PRKG1: variants seen among roughly 807,000 people sequenced by gnomAD.
The protein encoded by PRKG1 is cGMP-dependent protein kinase 1.
In PRKG1, 35 loss-of-function variants were observed where a neutral mutation model predicts 88.1. That is an observed-to-expected ratio of 0.40 (90% CI 0.30 to 0.53). The LOEUF (loss-of-function observed/expected upper bound fraction) is 0.53. PRKG1 is among the 20% of genes least tolerant of loss of function. The pLI, the probability that PRKG1 is intolerant of heterozygous loss-of-function variation, is 0.59. For synonymous variants in PRKG1, 303 were observed against 292.5 expected, an observed-to-expected ratio of 1.04 and a Z score of -0.37; for missense variants, 540 against 839.8, an observed-to-expected ratio of 0.64 and a Z score of 4.41.
chr10:52,293,908 C>CTAATGTATT lies in PRKG1; in HGVS notation c.*9_*10insAATGTATTT, dbSNP rs1842328140. ...TGGGATATAGACTTCTAATGTATTT[C>CTAATGTATT]TCTTACCTGCTTCTGCCTTGCTGAA... On this transcript the variant is annotated 3_prime_UTR_variant, in exon 18 of 18. Transcript: ENST00000373980. The CTAATGTATT allele has an allele frequency of 1.9e-6, 3 of 1,597,972 alleles. No individual in the cohort carries two copies. The highest frequency in any genetic ancestry group is 2.6e-6 in the Non-Finnish European group (3 of 1,166,622).
chr10:51,159,306 G>T (rs1339239953), intron 2 of PRKG1, among the ~76,000 whole-genome samples: 1 of 152,114 alleles, frequency 6.6e-6, no homozygotes, highest in Non-Finnish European at 1.5e-5. Flanking sequence ...ATATGGATTA[G>T]CTCTCAGTAA....
intron 3 of PRKG1, among the ~76,000 whole-genome samples, chr10:51,602,366 T>C (rs537695070): frequency 6.6e-6 from 1 of 152,318 alleles, no homozygotes; most frequent in South Asian, 2.1e-4. Context: ...CATAACCTTA[T>C]GTTTACTTGT....
At chr10:51,294,052 T>C (rs1840653154) in intron 2 of PRKG1, among the ~76,000 whole-genome samples, 1 of 152,084 alleles carries the variant, frequency 6.6e-6, no homozygotes, top group African/African-American at 2.4e-5. Context: ...ACCTTTTACC[T>C]AAGTTTTAAT....
intron 1 of PRKG1, among the ~76,000 whole-genome samples, chr10:51,027,015 A>T: frequency 6.6e-6 from 1 of 152,156 alleles, no homozygotes; most frequent in South Asian, 2.1e-4. Context: ...AAAAATCCAA[A>T]TCTCTTACTC....
intron 3 of PRKG1, among the ~76,000 whole-genome samples, chr10:51,759,063 A>G (rs541988328): frequency 2.0e-5 from 3 of 152,134 alleles, no homozygotes; most frequent in Non-Finnish European, 4.4e-5. Flanking sequence ...TCCATGGTTT[A>G]TATGTGCAAC....
chr10:51,117,559 C>T (rs1397359408), intron 1 of PRKG1, among the ~76,000 whole-genome samples: 1 of 152,164 alleles, frequency 6.6e-6, no homozygotes, highest in Non-Finnish European at 1.5e-5. Flanking sequence ...TTACTATGTC[C>T]CTAGTACTGT....
rs200711207 is a variant in PRKG1, at chr10:51,283,196, G to A, written c.478+129866G>A. ...ATGTTATTAAGAAACAAGGAAAATC[G>A]TGGAGAAGCATAGAAACTATAAGGA... On this transcript the variant is annotated intron_variant, in intron 2 of 17. Coordinates refer to ENST00000373980, the MANE Select transcript of PRKG1 (RefSeq NM_006258.4). Among the ~76,000 whole-genome samples, 10 of 151,768 alleles carry A rather than the reference G, an allele frequency of 6.6e-5. No individual in the cohort carries two copies. The East Asian group carries it at 9.7e-4, about 15-fold the overall frequency.
rs187409738 is a variant in PRKG1, at chr10:52,034,537, G to A, written c.763-19947G>A. On this transcript the variant is annotated intron_variant, in intron 5 of 17. Coordinates refer to ENST00000373980, the MANE Select transcript of PRKG1 (RefSeq NM_006258.4). ...ACAGGTATAAAAGGTCTAAGAATTG[G>A]GACGACTCAGGATATCTGATTAGAG... is the stretch of plus-strand genomic sequence containing the variant. Among the ~76,000 whole-genome samples the A allele has an allele frequency of 5.3e-3, 799 of 151,976 alleles. 5 individuals carry two copies. Among genetic ancestry groups the A allele is most frequent in the African/African-American group, 0.018 (749 of 41,408 alleles).
chr10:51,607,687 A>G (rs1371204903), intron 3 of PRKG1, among the ~76,000 whole-genome samples: 1 of 152,248 alleles, frequency 6.6e-6, no homozygotes, highest in East Asian at 1.9e-4. Context: ...TAGAAGGAAG[A>G]AAAGAGATAA....
chr10:51,799,645 C>G (rs1239719697), intron 3 of PRKG1, among the ~76,000 whole-genome samples: 1 of 151,840 alleles, frequency 6.6e-6, no homozygotes, highest in Non-Finnish European at 1.5e-5. Context: ...TGTCAGGGAA[C>G]TCAGGGAAAT....
chr10:52,293,902 G>A lies in PRKG1; in HGVS notation c.*2G>A, dbSNP rs776160300. On this transcript the variant is annotated 3_prime_UTR_variant, in exon 18 of 18. Coordinates refer to ENST00000373980, the MANE Select transcript of PRKG1 (RefSeq NM_006258.4). ...TCAGGATGGGATATAGACTTCTAAT[G>A]TATTTCTCTTACCTGCTTCTGCCTT... The A allele has an allele frequency of 2.5e-6, 4 of 1,604,492 alleles. No individual in the cohort carries two copies. In the African/African-American group the frequency reaches 4.0e-5, roughly 16 times the overall value.
chr10:52,023,799 A>G (rs542293947), intron 5 of PRKG1, among the ~76,000 whole-genome samples: 14 of 152,212 alleles, frequency 9.2e-5, no homozygotes, highest in African/African-American at 2.6e-4. Flanking sequence ...TTCTTTGTAG[A>G]TTCTGGATAT....
chr10:51,753,706 A>G (rs1054519958), intron 3 of PRKG1, among the ~76,000 whole-genome samples: 5 of 152,170 alleles, frequency 3.3e-5, no homozygotes, highest in African/African-American at 1.2e-4. Context: ...CCAACTGCAC[A>G]TAGTCAACAA....
In PRKG1 at chr10:51,203,382, G is replaced by A. The variant is rs779943898; in HGVS notation, c.478+50052G>A. Among the ~76,000 whole-genome samples, 20 of 151,880 alleles carry A rather than the reference G, an allele frequency of 1.3e-4. 1 individual carries two copies. The highest frequency in any genetic ancestry group is 2.1e-4 in the South Asian group (1 of 4,816). On this transcript the variant is annotated intron_variant, in intron 2 of 17. Transcript: ENST00000373980. ...ATGGCATTCCTTCTGTTATATTTTC[G>A]TCTCTCCTTGAGTAAATTCTTGCTC... is the stretch of plus-strand genomic sequence containing the variant.
chr10:51,335,438 CA>C (rs1841851076), intron 2 of PRKG1, among the ~76,000 whole-genome samples: 1 of 152,028 alleles, frequency 6.6e-6, no homozygotes, highest in Non-Finnish European at 1.5e-5. Context: ...TATTACTTAC[CA>C]AAATATTTTC....
At chr10:51,921,942 G>T (rs1013188297) in intron 5 of PRKG1, among the ~76,000 whole-genome samples, 64 of 151,958 alleles carry the variant, frequency 4.2e-4, no homozygotes, top group Non-Finnish European at 1.5e-4. Context: ...GAAGTAGAAA[G>T]TATTCTCTCT....
intron 2 of PRKG1, among the ~76,000 whole-genome samples, chr10:51,376,835 C>T (rs934822348): frequency 2.0e-5 from 3 of 152,112 alleles, no homozygotes; most frequent in Non-Finnish European, 2.9e-5. Context: ...CCACAACGCT[C>T]AGCTAATTTT....
intron 5 of PRKG1, among the ~76,000 whole-genome samples, chr10:51,911,744 A>G (rs1842221898): frequency 6.6e-6 from 1 of 152,218 alleles, no homozygotes; most frequent in Non-Finnish European, 1.5e-5. Flanking sequence ...CAAATTTGGA[A>G]GAGCAAAAGC....
chr10:51,594,714 T>C (rs995428773), intron 3 of PRKG1, among the ~76,000 whole-genome samples: 4 of 152,190 alleles, frequency 2.6e-5, no homozygotes, highest in Non-Finnish European at 5.9e-5. Context: ...CACTCAGTCA[T>C]TTCTATATCA....
Sources: gnomAD v4.1 joint callset for allele counts (sites outside exome capture counted in the v4.1 genomes callset) on GRCh38, gnomAD v4.1.1 for gene constraint, MANE v1.5 for transcripts, NCBI Gene and HGNC (gene_info 2026-07-23, HGNC 2026-07-21) for gene names.